Variants in IL1RAP observed in about 807,000 individuals in gnomAD.
IL1RAP encodes interleukin 1 receptor accessory protein.
IL1RAP carries 35 observed loss-of-function variants against 60.7 expected under a neutral mutation model. That is an observed-to-expected ratio of 0.58 (90% CI 0.44 to 0.76). The LOEUF (loss-of-function observed/expected upper bound fraction) is 0.76. IL1RAP is among the 30% of genes least tolerant of loss of function. IL1RAP has a pLI of 0.00. For synonymous variants in IL1RAP, 268 were observed against 250.9 expected (o/e 1.07, Z -0.64); for missense variants, 572 against 693.9 (o/e 0.82, Z 1.97).
intron 9 of IL1RAP, chr3:190,629,959 GA>G: frequency 1.1e-6 from 1 of 897,802 alleles, no homozygotes; most frequent in Non-Finnish European, 1.3e-6. Context: ...ACAAATAACA[GA>G]AAGGGAATTA....
intron 1 of IL1RAP, among the ~76,000 whole-genome samples, chr3:190,546,657 T>C (rs796298591): frequency 1.8e-4 from 27 of 152,326 alleles, no homozygotes; most frequent in African/African-American, 6.5e-4. Context: ...GAGAAGTAAG[T>C]CACCAAGAGA....
At chr3:190,655,976 T>A, downstream of IL1RAP, 1 of 1,537,222 alleles carries the variant, frequency 6.5e-7, no homozygotes, top group Non-Finnish European at 8.7e-7. Flanking sequence ...GAAAAGAGCA[T>A]CAGCATGCTG....
intron 7 of IL1RAP, among the ~76,000 whole-genome samples, chr3:190,626,720 G>T (rs1732309485): frequency 6.9e-6 from 1 of 145,746 alleles, no homozygotes. Context: ...GCCCAGGCTG[G>T]AGTGCAGTGG....
chr3:190,577,050 G>A (rs1040169164), intron 3 of IL1RAP, among the ~76,000 whole-genome samples: 7 of 143,630 alleles, frequency 4.9e-5, no homozygotes, highest in Non-Finnish European at 6.0e-5. Context: ...GCAGGGAGCC[G>A]AGATCGCGCC....
chr3:190,615,283 C>A, intron 5 of IL1RAP: 2 of 1,255,960 alleles, frequency 1.6e-6, no homozygotes, highest in Non-Finnish European at 2.1e-6. Context: ...TGAAATATAC[C>A]ATGTGTATAA....
At chr3:190,543,018 C>T (rs1427478768) in intron 1 of IL1RAP, among the ~76,000 whole-genome samples, 3 of 151,596 alleles carry the variant, frequency 2.0e-5, no homozygotes, top group African/African-American at 7.3e-5. Flanking sequence ...TAATTCCAGG[C>T]TGTTCCCTCG....
chr3:190,655,643 A>G (rs1734593237), downstream of IL1RAP, among the ~76,000 whole-genome samples: 1 of 147,378 alleles, frequency 6.8e-6, no homozygotes, highest in Non-Finnish European at 1.5e-5. Context: ...GACTACTGCA[A>G]TGAGGGTTTT....
At chr3:190,604,875 G>A (rs1369146503) in intron 4 of IL1RAP, among the ~76,000 whole-genome samples, 1 of 152,100 alleles carries the variant, frequency 6.6e-6, no homozygotes, top group Non-Finnish European at 1.5e-5. Flanking sequence ...GTGATGTGAT[G>A]CCTCCCAAAT....
intron 5 of IL1RAP, among the ~76,000 whole-genome samples, chr3:190,609,571 T>G (rs1400911540): frequency 1.3e-5 from 2 of 152,228 alleles, no homozygotes; most frequent in East Asian, 3.8e-4. Context: ...TATGTGTGTT[T>G]TTTTCTTTGC....
At chr3:190,612,640 A>C (rs796679492) in intron 5 of IL1RAP, among the ~76,000 whole-genome samples, 7 of 152,176 alleles carry the variant, frequency 4.6e-5, no homozygotes, top group African/African-American at 1.7e-4. Context: ...CTATGGTTTG[A>C]CTTAAGATTT....
intron 5 of IL1RAP, among the ~76,000 whole-genome samples, chr3:190,610,792 C>T (rs2060886440): frequency 6.6e-6 from 1 of 152,108 alleles, no homozygotes; most frequent in Non-Finnish European, 1.5e-5. Context: ...TCTGTCTCTG[C>T]TTAAGTTGTT....
At chr3:190,625,806 A>G (rs1427666161) in intron 7 of IL1RAP, among the ~76,000 whole-genome samples, 1 of 152,126 alleles carries the variant, frequency 6.6e-6, no homozygotes, top group Non-Finnish European at 1.5e-5. Flanking sequence ...TCATATGAAT[A>G]CTCTTCCTGC....
chr3:190,579,903 A>T (rs1727841433), intron 3 of IL1RAP, among the ~76,000 whole-genome samples: 1 of 152,238 alleles, frequency 6.6e-6, no homozygotes, highest in African/African-American at 2.4e-5. Context: ...ATGATATAGC[A>T]TGTATCACTA....
chr3:190,517,622 C>T (rs574485782), intron 1 of IL1RAP, among the ~76,000 whole-genome samples: 1 of 152,312 alleles, frequency 6.6e-6, no homozygotes, highest in South Asian at 2.1e-4. Context: ...TTAGATTTCT[C>T]TTCTTTGTAG....
intron 4 of IL1RAP, 146 bp downstream of exon 4, chr3:190,604,559 G>A: frequency 6.0e-6 from 5 of 838,778 alleles, no homozygotes. Flanking sequence ...TTAGCTGAAG[G>A]GGTCTGAAGG....
intron 6 of IL1RAP, among the ~76,000 whole-genome samples, chr3:190,621,429 GA>G (rs891963958): frequency 6.6e-6 from 1 of 152,026 alleles, no homozygotes; most frequent in African/African-American, 2.4e-5. Flanking sequence ...TAATTCATAA[GA>G]AAAAAACAGA....
chr3:190,533,592 G>A (rs1417371745), intron 1 of IL1RAP, among the ~76,000 whole-genome samples: 1 of 152,158 alleles, frequency 6.6e-6, no homozygotes, highest in African/African-American at 2.4e-5. Flanking sequence ...AGCACTCCGT[G>A]TCAGAATGGA....
At chr3:190,522,222 A>G (rs1304623427) in intron 1 of IL1RAP, among the ~76,000 whole-genome samples, 1 of 152,060 alleles carries the variant, frequency 6.6e-6, no homozygotes, top group Non-Finnish European at 1.5e-5. Context: ...TAGATACTGC[A>G]TGCCTAGCCT....
chr3:190,611,485 T>C (rs896952635), intron 5 of IL1RAP, among the ~76,000 whole-genome samples: 5 of 152,302 alleles, frequency 3.3e-5, no homozygotes, highest in African/African-American at 1.2e-4. Context: ...AGAGGGACTG[T>C]ATAGATTAAA....
Sources: allele counts gnomAD v4.1 joint callset (sites outside exome capture counted in the v4.1 genomes callset), GRCh38; gene constraint gnomAD v4.1.1; transcripts MANE v1.5; gene names NCBI Gene and HGNC (gene_info 2026-07-23, HGNC 2026-07-21).